Variants in ADCYAP1R1 observed in about 807,000 individuals in gnomAD.
The protein encoded by ADCYAP1R1 is pituitary adenylate cyclase-activating polypeptide type I receptor.
ADCYAP1R1 carries 44 observed loss-of-function variants against 67.6 expected under a neutral mutation model. The ratio of observed to expected loss-of-function variants is 0.65; its 90% CI spans 0.51 to 0.84. ADCYAP1R1 has a LOEUF of 0.84. Among genes scored for constraint, ADCYAP1R1 ranks in the 40% least tolerant of loss-of-function variants. The pLI, the probability that ADCYAP1R1 is intolerant of heterozygous loss-of-function variation, is 0.00. For synonymous variants in ADCYAP1R1, 222 were observed against 219.6 expected, an observed-to-expected ratio of 1.01 and a Z score of -0.10; for missense variants, 477 against 587.9, an observed-to-expected ratio of 0.81 and a Z score of 1.95.
chr7:31,059,982 C>T (rs960286154), intron 1 of ADCYAP1R1, among the ~76,000 whole-genome samples: 3 of 152,038 alleles, frequency 2.0e-5, no homozygotes, highest in African/African-American at 7.2e-5. Flanking sequence ...CAGTGGGAAT[C>T]AAGAACCCTG....
At chr7:31,074,742 A>G (rs1432505768) in intron 3 of ADCYAP1R1, among the ~76,000 whole-genome samples, 1 of 152,210 alleles carries the variant, frequency 6.6e-6, no homozygotes, top group Non-Finnish European at 1.5e-5. Flanking sequence ...TGCTGGCTAG[A>G]TGTCCTCTGC....
intron 3 of ADCYAP1R1, among the ~76,000 whole-genome samples, chr7:31,073,198 C>G (rs906560404): frequency 6.6e-6 from 1 of 152,170 alleles, no homozygotes; most frequent in Non-Finnish European, 1.5e-5. Flanking sequence ...AAACATTGAG[C>G]ATAAAAATCT....
intron 13 of ADCYAP1R1, among the ~76,000 whole-genome samples, chr7:31,095,995 G>A (rs1442349634): frequency 6.6e-6 from 1 of 152,176 alleles, no homozygotes; most frequent in Non-Finnish European, 1.5e-5. Context: ...GACTTGGTCT[G>A]GGGCAGGGGT....
rs1347115437 is a variant in ADCYAP1R1, at chr7:31,106,991, C to T, written c.*307C>T. 2.4e-5 allele frequency: 8 copies of T among 332,534 alleles called. No homozygotes were observed. The Admixed American group carries it at 3.9e-4, about 16-fold the overall frequency. 20.6% of individuals were successfully genotyped at this position (332,534 alleles called of 1,614,324 possible). On this transcript the variant is annotated 3_prime_UTR_variant, in exon 16 of 16. Transcript: ENST00000304166. ...TCCCTGCTCACTTCCAGTCAGGTCT[C>T]AGCTCCACCCCACTGTTTCTTGGTC... is the stretch of plus-strand genomic sequence containing the variant.
In ADCYAP1R1 at chr7:31,085,299, C is replaced by T; in HGVS notation, c.537-11C>T. 2 of 1,611,770 alleles carry T rather than the reference C, an allele frequency of 1.2e-6. No individual in the cohort carries two copies. Among genetic ancestry groups the T allele is most frequent in the Non-Finnish European group, 1.7e-6 (2 of 1,178,966 alleles). On this transcript the variant is annotated splice_polypyrimidine_tract_variant and intron_variant, in intron 8 of 15. Transcript: ENST00000304166. Reference sequence around the variant, plus strand: ...TCCAAGGCTTCTTTCTCCCCTGGCCCACTCATGTAGGAAGCTGCACTGCAC... The same window carrying T: ...TCCAAGGCTTCTTTCTCCCCTGGCCTACTCATGTAGGAAGCTGCACTGCAC...
intron 13 of ADCYAP1R1, among the ~76,000 whole-genome samples, chr7:31,100,541 A>G (rs1796395434): frequency 6.6e-6 from 1 of 152,024 alleles, no homozygotes; most frequent in African/African-American, 2.4e-5. Context: ...TCAACTGCCA[A>G]ATTATTTCCA....
chr7:31,087,422 T>C (rs1312637807), intron 11 of ADCYAP1R1, among the ~76,000 whole-genome samples: 4 of 152,192 alleles, frequency 2.6e-5, no homozygotes, highest in Non-Finnish European at 4.4e-5. Context: ...GAGGGAAAGA[T>C]AGAGGCTCAG....
chr7:31,103,500 T>C (rs915536568), intron 14 of ADCYAP1R1, 134 bp downstream of exon 14: 1 of 1,267,834 alleles, frequency 7.9e-7, no homozygotes, highest in Admixed American at 2.2e-5. Flanking sequence ...GGGAGCCCTG[T>C]CTGCTGTCTA....
chr7:31,087,604 G>T (rs1283452985), intron 11 of ADCYAP1R1, 23 bp from the exon 12 acceptor site: 27 of 1,612,514 alleles, frequency 1.7e-5, no homozygotes, highest in Non-Finnish European at 2.2e-5. Flanking sequence ...ACGTGATCTT[G>T]CTTCTCTCTG....
At chr7:31,076,442 C>T (rs1022065254) in intron 3 of ADCYAP1R1, among the ~76,000 whole-genome samples, 2 of 152,148 alleles carry the variant, frequency 1.3e-5, no homozygotes, top group Admixed American at 6.5e-5. Flanking sequence ...AGAGGGGAGC[C>T]GCTGGGCCCC....
Position 31,111,401 on chromosome 7 carries a change from T to G in ADCYAP1R1, c.*4717T>G, listed in dbSNP as rs1796857386. On this transcript the variant is annotated 3_prime_UTR_variant, in exon 16 of 16. Transcript: ENST00000304166. ...GCTACTGCTGCTGCCATTAATGCTG[T>G]GCTCACTATCTTGTCCAGGATTTTA... 1.3e-5 allele frequency: 2 copies of G among 152,242 alleles called. No individual in the cohort carries two copies. Among genetic ancestry groups the G allele is most frequent in the South Asian group, 4.1e-4 (2 of 4,824 alleles). 9.4% of individuals were successfully genotyped at this position (152,242 alleles called of 1,614,324 possible).
intron 3 of ADCYAP1R1, among the ~76,000 whole-genome samples, chr7:31,069,138 C>A (rs1438126478): frequency 6.6e-6 from 1 of 152,160 alleles, no homozygotes; most frequent in Non-Finnish European, 1.5e-5. Flanking sequence ...GGTCTGAGAA[C>A]CACTGGCCAG....
chr7:31,070,158 G>A (rs1794912265), intron 3 of ADCYAP1R1, among the ~76,000 whole-genome samples: 1 of 152,210 alleles, frequency 6.6e-6, no homozygotes, highest in African/African-American at 2.4e-5. Flanking sequence ...AAGGACGCCT[G>A]TACCTGGGAA....
chr7:31,063,752 G>A (rs1192909980), intron 2 of ADCYAP1R1, among the ~76,000 whole-genome samples: 1 of 152,092 alleles, frequency 6.6e-6, no homozygotes, highest in Non-Finnish European at 1.5e-5. Flanking sequence ...CCAGGTTTTG[G>A]TCCCGCCACT....
Position 31,105,339 on chromosome 7 carries a change from C to T in ADCYAP1R1, c.1218+430C>T, listed in dbSNP as rs1796597549. Among the ~76,000 whole-genome samples, 6 of 152,346 alleles carry T rather than the reference C, an allele frequency of 3.9e-5. No individual in the cohort carries two copies. In the South Asian group the frequency reaches 1.2e-3, roughly 32 times the overall value. On this transcript the variant is annotated intron_variant, in intron 15 of 15. Transcript: ENST00000304166. ...CTGCTGAGCCAGGAGCTGCCTGGCA[C>T]TCAGGGTTGCCCTTAACTGGCCAGC...
chr7:31,065,883 T>C (rs1216974576), intron 3 of ADCYAP1R1, among the ~76,000 whole-genome samples: 2 of 152,220 alleles, frequency 1.3e-5, no homozygotes, highest in African/African-American at 4.8e-5. Context: ...ATTTAAGCAC[T>C]TGACTAATCT....
At chr7:31,055,579 C>T (rs751975900) in intron 1 of ADCYAP1R1, among the ~76,000 whole-genome samples, 1 of 152,098 alleles carries the variant, frequency 6.6e-6, no homozygotes, top group Non-Finnish European at 1.5e-5. Flanking sequence ...TTGCCTGTGT[C>T]GTGAAATATG....
chr7:31,097,260 C>G (rs1178353442), intron 13 of ADCYAP1R1, among the ~76,000 whole-genome samples: 2 of 152,218 alleles, frequency 1.3e-5, no homozygotes, highest in African/African-American at 2.4e-5. Flanking sequence ...CTTGCCTGAG[C>G]TTTTAGTCTC....
intron 12 of ADCYAP1R1, among the ~76,000 whole-genome samples, chr7:31,092,014 T>C (rs1401828181): frequency 6.6e-6 from 1 of 151,218 alleles, no homozygotes; most frequent in Non-Finnish European, 1.5e-5. Flanking sequence ...TCTTCATTTT[T>C]TTCTCCAAGG....
Sources: gnomAD v4.1 joint callset for allele counts (sites outside exome capture counted in the v4.1 genomes callset) on GRCh38, gnomAD v4.1.1 for gene constraint, MANE v1.5 for transcripts, NCBI Gene and HGNC (gene_info 2026-07-23, HGNC 2026-07-21) for gene names.